The following POFUT3 variants were observed in gnomAD, a reference collection of about 807,000 sequenced individuals.
The protein encoded by POFUT3 is protein O-fucosyltransferase 3.
At chr8:33,372,193 T>G in the POFUT3 span, 2 of 997,308 alleles carry the variant, frequency 2.0e-6, no homozygotes, top group African/African-American at 1.7e-5. Flanking sequence ...GGATACCAGG[T>G]TTGCCAAATA....
chr8:33,382,867 C>A, the POFUT3 span, among the ~76,000 whole-genome samples: 1 of 152,170 alleles, frequency 6.6e-6, no homozygotes, highest in Non-Finnish European at 1.5e-5. Flanking sequence ...CTGCACAGGG[C>A]TCTGACCAAC....
At chr8:33,427,409 C>A in the POFUT3 span, among the ~76,000 whole-genome samples, 12 of 151,948 alleles carry the variant, frequency 7.9e-5, no homozygotes, top group East Asian at 2.2e-3. Context: ...GAAGCCCCGT[C>A]TCTACTAAAA....
At chr8:33,374,153 G>T in the POFUT3 span, among the ~76,000 whole-genome samples, 4 of 152,276 alleles carry the variant, frequency 2.6e-5, no homozygotes, top group South Asian at 8.3e-4. Flanking sequence ...ATTGTGAACT[G>T]CACATGTGAG....
the POFUT3 span, among the ~76,000 whole-genome samples, chr8:33,331,594 G>T: frequency 6.6e-6 from 1 of 152,180 alleles, no homozygotes; most frequent in East Asian, 1.9e-4. Context: ...GGCCGAAGCA[G>T]GCACATTGCT....
the POFUT3 span, among the ~76,000 whole-genome samples, chr8:33,396,431 G>T: frequency 6.6e-6 from 1 of 152,080 alleles, no homozygotes; most frequent in Admixed American, 6.6e-5. Flanking sequence ...ACTTCCATCC[G>T]ATCAACTGAT....
At chr8:33,373,291 G>T in the POFUT3 span, among the ~76,000 whole-genome samples, 2 of 151,944 alleles carry the variant, frequency 1.3e-5, no homozygotes, top group African/African-American at 4.8e-5. Flanking sequence ...ATATGTTATT[G>T]TATGTCTCAT....
chr8:33,416,564 T>A, the POFUT3 span, among the ~76,000 whole-genome samples: 46,626 of 150,838 alleles, frequency 0.31, 7,295 homozygotes, highest in South Asian at 0.45. Flanking sequence ...ATACAAAATT[T>A]GCCAGGTGTG....
chr8:33,440,201 A>C, the POFUT3 span, among the ~76,000 whole-genome samples: 1 of 152,084 alleles, frequency 6.6e-6, no homozygotes, highest in African/African-American at 2.4e-5. Flanking sequence ...TGTCTCTGTG[A>C]AAAATTAAAA....
At chr8:33,331,602 G>T in the POFUT3 span, among the ~76,000 whole-genome samples, 1 of 152,020 alleles carries the variant, frequency 6.6e-6, no homozygotes, top group Non-Finnish European at 1.5e-5. Context: ...CAGGCACATT[G>T]CTTGAGCCCA....
chr8:33,381,771 T>C, the POFUT3 span, among the ~76,000 whole-genome samples: 1 of 152,222 alleles, frequency 6.6e-6, no homozygotes, highest in African/African-American at 2.4e-5. Flanking sequence ...GTGATTAAGA[T>C]GGCCTTTTGG....
the POFUT3 span, among the ~76,000 whole-genome samples, chr8:33,438,625 A>G: frequency 6.6e-6 from 1 of 152,194 alleles, no homozygotes; most frequent in African/African-American, 2.4e-5. Flanking sequence ...ACTGCTAATG[A>G]AGACAAACTC....
the POFUT3 span, among the ~76,000 whole-genome samples, chr8:33,449,930 CTTTTCTTT>C: frequency 9.0e-6 from 1 of 110,774 alleles, no homozygotes; most frequent in African/African-American, 3.6e-5. Flanking sequence ...GGTTATGAAG[CTTTTCTTT>C]TTTTTTTTTT....
At chr8:33,456,242 A>T in the POFUT3 span, among the ~76,000 whole-genome samples, 1 of 152,246 alleles carries the variant, frequency 6.6e-6, no homozygotes. Context: ...GGTAAAATTT[A>T]TTCCACATTT....
chr8:33,436,281 C>T, the POFUT3 span: 12 of 1,354,890 alleles, frequency 8.9e-6, no homozygotes, highest in Admixed American at 2.0e-4. Context: ...CACACACATC[C>T]CACTGTGAAA....
At chr8:33,450,019 C>T in the POFUT3 span, among the ~76,000 whole-genome samples, 1 of 146,144 alleles carries the variant, frequency 6.8e-6, no homozygotes, top group African/African-American at 2.5e-5. Context: ...CTCACTGCAA[C>T]CTCCACCTCC....
At chr8:33,390,415 T>A in the POFUT3 span, among the ~76,000 whole-genome samples, 2 of 151,964 alleles carry the variant, frequency 1.3e-5, no homozygotes, top group Non-Finnish European at 2.9e-5. Flanking sequence ...TGCAATGGGC[T>A]TTTCTTCCTG....
At chr8:33,336,684 C>CA in the POFUT3 span, among the ~76,000 whole-genome samples, 1 of 151,944 alleles carries the variant, frequency 6.6e-6, no homozygotes, top group Admixed American at 6.6e-5. Flanking sequence ...GCCAGGTCAG[C>CA]AAAAAATGGC....
At chr8:33,385,832 CATACTT>C in the POFUT3 span, among the ~76,000 whole-genome samples, 4 of 152,016 alleles carry the variant, frequency 2.6e-5, no homozygotes, top group African/African-American at 9.6e-5. Context: ...AAAAATGAAA[CATACTT>C]AAGTAGCTTA....
chr8:33,329,161 C>T, the POFUT3 span, among the ~76,000 whole-genome samples: 28 of 152,060 alleles, frequency 1.8e-4, no homozygotes, highest in Admixed American at 3.3e-4. Flanking sequence ...ATCAAGTGTC[C>T]GTCTTTCCCA....
Sources: gnomAD v4.1 joint callset for allele counts (sites outside exome capture counted in the v4.1 genomes callset) on GRCh38, gnomAD v4.1.1 for gene constraint, MANE v1.5 for transcripts, NCBI Gene and HGNC (gene_info 2026-07-23, HGNC 2026-07-21) for gene names.